The following GABRB3 variants were observed in gnomAD, a reference collection of about 807,000 sequenced individuals.
GABRB3 encodes the protein gamma-aminobutyric acid receptor subunit beta-3.
GABRB3 carries 14 observed loss-of-function variants against 52.1 expected under a neutral mutation model. That is an observed-to-expected ratio of 0.27 (90% CI 0.18 to 0.42). The LOEUF is 0.42. Among genes scored for constraint, GABRB3 ranks in the 10% least tolerant of loss-of-function variants. GABRB3 has a pLI of 1.00. For missense variants in GABRB3, 307 were observed against 609.1 expected (o/e 0.50, Z 5.22); for synonymous variants, 260 against 232.3 (o/e 1.12, Z -1.08).
At chr15:26,754,719 T>C (rs1316004535) in intron 3 of GABRB3, among the ~76,000 whole-genome samples, 1 of 152,140 alleles carries the variant, frequency 6.6e-6, no homozygotes, top group Non-Finnish European at 1.5e-5. Flanking sequence ...CGGTGCTCAC[T>C]TGGCACACCC....
chr15:26,643,915 C>T (rs192230697), intron 3 of GABRB3, among the ~76,000 whole-genome samples: 3 of 152,286 alleles, frequency 2.0e-5, no homozygotes, highest in Admixed American at 2.0e-4. Context: ...TTGCAGACAC[C>T]GTCTGCCTTA....
At chr15:26,577,732 G>T (rs951350083) in intron 6 of GABRB3, among the ~76,000 whole-genome samples, 1 of 152,084 alleles carries the variant, frequency 6.6e-6, no homozygotes, top group Non-Finnish European at 1.5e-5. Flanking sequence ...AATTCCTACC[G>T]CCTGGTGACA....
chr15:26,657,205 G>A (rs778972653), intron 3 of GABRB3: 8 of 152,158 alleles, frequency 5.3e-5, no homozygotes, highest in Non-Finnish European at 1.0e-4. Context: ...GTCGCCTGAG[G>A]AGAGGCTTAT....
intron 4 of GABRB3, among the ~76,000 whole-genome samples, chr15:26,584,580 G>A (rs1890910446): frequency 6.6e-6 from 1 of 152,160 alleles, no homozygotes; most frequent in Non-Finnish European, 1.5e-5. Context: ...CTTGGGGCCA[G>A]CTAAAGCTAT....
intron 3 of GABRB3, among the ~76,000 whole-genome samples, chr15:26,711,119 G>C (rs1444544894): frequency 1.3e-5 from 2 of 152,082 alleles, no homozygotes; most frequent in African/African-American, 2.4e-5. Flanking sequence ...AATTCATCTG[G>C]CAAATGGATT....
At chr15:26,633,955 C>T (rs762819965) in intron 3 of GABRB3, among the ~76,000 whole-genome samples, 11 of 152,194 alleles carry the variant, frequency 7.2e-5, no homozygotes, top group Non-Finnish European at 1.2e-4. Flanking sequence ...CAAAGTGTGG[C>T]GTTTTCTCTA....
intron 8 of GABRB3, chr15:26,557,479 A>C (rs973439034): frequency 6.6e-6 from 1 of 152,200 alleles, no homozygotes; most frequent in Non-Finnish European, 1.5e-5. Context: ...ATACAGTACC[A>C]CTTCTGTTTC....
intron 3 of GABRB3, among the ~76,000 whole-genome samples, chr15:26,732,114 A>T (rs1889933298): frequency 6.6e-6 from 1 of 151,688 alleles, no homozygotes; most frequent in Admixed American, 6.6e-5. Context: ...GGATAGATGG[A>T]TGGACAGACA....
chr15:26,598,096 T>C (rs1017774900), intron 4 of GABRB3, among the ~76,000 whole-genome samples: 10 of 152,116 alleles, frequency 6.6e-5, no homozygotes, highest in Non-Finnish European at 1.3e-4. Context: ...TACCAAAACA[T>C]TGGCAGAAAA....
intron 3 of GABRB3, among the ~76,000 whole-genome samples, chr15:26,708,761 T>C (rs1399524047): frequency 6.6e-6 from 1 of 151,950 alleles, no homozygotes; most frequent in East Asian, 1.9e-4. Flanking sequence ...GCTATCAGAG[T>C]TTCAATCCTG....
intron 3 of GABRB3, among the ~76,000 whole-genome samples, chr15:26,765,674 C>T (rs1292929858): frequency 1.3e-5 from 2 of 152,096 alleles, no homozygotes; most frequent in African/African-American, 2.4e-5. Flanking sequence ...AACAGCCCTG[C>T]CTCACGGAGT....
chr15:26,658,239 C>T (rs1431299527), intron 3 of GABRB3, among the ~76,000 whole-genome samples: 1 of 152,132 alleles, frequency 6.6e-6, no homozygotes, highest in Non-Finnish European at 1.5e-5. Context: ...ATTCCCCAGC[C>T]CCTTGCCCAC....
In GABRB3 at chr15:26,649,582, G is replaced by A. The variant is rs17670575; in HGVS notation, c.241-28048C>T. ...GAAAGGTCAGGTTCTTGTAACAGCC[G>A]CTACAGGGAAAGTGAGCTGATGAGG... is the stretch of plus-strand genomic sequence containing the variant. On this transcript the variant is annotated intron_variant, in intron 3 of 8. Coordinates refer to ENST00000311550, the MANE Select transcript of GABRB3 (RefSeq NM_000814.6). Among the ~76,000 whole-genome samples the A allele has an allele frequency of 5.4e-3, 818 of 152,082 alleles. 4 individuals are homozygous for A. The highest frequency in any genetic ancestry group is 0.032 in the East Asian group (167 of 5,164).
At position 26,685,725 on chromosome 15, in the gene GABRB3, A is replaced by C. The variant is rs1475383318; in HGVS notation, c.241-64191T>G. Among the ~76,000 whole-genome samples, 4 of 152,190 alleles carry C rather than the reference A, an allele frequency of 2.6e-5. No homozygotes were observed. In the East Asian group the frequency reaches 7.8e-4, roughly 30 times the overall value. On this transcript the variant is annotated intron_variant, in intron 3 of 8. Coordinates refer to ENST00000311550, the MANE Select transcript of GABRB3 (RefSeq NM_000814.6). ...AGGAGTGGGCCTCTAACTTGTCAAA[A>C]TGATGGCTAGGAAAGACCCGCAAAT...
At chr15:26,706,030 T>C (rs1889089405) in intron 3 of GABRB3, among the ~76,000 whole-genome samples, 1 of 152,114 alleles carries the variant, frequency 6.6e-6, no homozygotes, top group Non-Finnish European at 1.5e-5. Flanking sequence ...CCTGCACATG[T>C]TTCCCCTGAC....
At chr15:26,726,583 G>A (rs1889777911) in intron 3 of GABRB3, among the ~76,000 whole-genome samples, 1 of 152,154 alleles carries the variant, frequency 6.6e-6, no homozygotes, top group Non-Finnish European at 1.5e-5. Context: ...CCTATAGAAT[G>A]TCTGCAATTT....
At chr15:26,628,638 TCC>T (rs1892800408) in intron 3 of GABRB3, among the ~76,000 whole-genome samples, 1 of 151,774 alleles carries the variant, frequency 6.6e-6, no homozygotes, top group Non-Finnish European at 1.5e-5. Flanking sequence ...TCGAAGCAGC[TCC>T]TGTTATCAAC....
intron 3 of GABRB3, chr15:26,629,159 TG>T: frequency 6.7e-7 from 1 of 1,502,062 alleles, no homozygotes; most frequent in South Asian, 1.2e-5. Flanking sequence ...GGGCGGAGTG[TG>T]GGGAGAAGCA....
At chr15:26,738,682 C>T (rs1890127412) in intron 3 of GABRB3, among the ~76,000 whole-genome samples, 1 of 152,052 alleles carries the variant, frequency 6.6e-6, no homozygotes, top group African/African-American at 2.4e-5. Context: ...GTTACCACCT[C>T]CCATCCTACC....
Sources: allele counts gnomAD v4.1 joint callset (sites outside exome capture counted in the v4.1 genomes callset), GRCh38; gene constraint gnomAD v4.1.1; transcripts MANE v1.5; gene names NCBI Gene and HGNC (gene_info 2026-07-23, HGNC 2026-07-21).